Variants in RAPGEF2 observed in about 807,000 individuals in gnomAD.
RAPGEF2 encodes the protein Rap guanine nucleotide exchange factor 2.
Under a neutral mutation model 186.7 loss-of-function variants are expected in RAPGEF2, and 54 were observed. That is an observed-to-expected ratio of 0.29 (90% CI 0.23 to 0.36). RAPGEF2 has a LOEUF of 0.36. Ranked by LOEUF, RAPGEF2 falls within the 10% of genes least tolerant of loss-of-function variation. The probability of loss-of-function intolerance (pLI) is 1.00; values close to 1 mark genes in which losing one functional copy is unlikely to be tolerated. For missense variants in RAPGEF2, 1,532 were observed against 2,045.0 expected, an observed-to-expected ratio of 0.75 and a Z score of 4.84; for synonymous variants, 712 against 705.9, an observed-to-expected ratio of 1.01 and a Z score of -0.14.
chr4:159,107,360 C>A (rs1207081063), intron 1 of RAPGEF2, among the ~76,000 whole-genome samples: 1 of 152,058 alleles, frequency 6.6e-6, no homozygotes, highest in Non-Finnish European at 1.5e-5. Context: ...TTTTATCCCC[C>A]AAGGCTTATA....
chr4:159,230,641 G>A (rs912082372), intron 4 of RAPGEF2, among the ~76,000 whole-genome samples: 10 of 152,094 alleles, frequency 6.6e-5, no homozygotes, highest in East Asian at 1.9e-4. Flanking sequence ...AGATCTTTGC[G>A]GGGGTAACCC....
chr4:159,186,176 T>A (rs1364949102), intron 1 of RAPGEF2, among the ~76,000 whole-genome samples: 1 of 151,950 alleles, frequency 6.6e-6, no homozygotes, highest in Non-Finnish European at 1.5e-5. Flanking sequence ...AGAAAATATT[T>A]CTATATAAGA....
chr4:159,109,633 T>C (rs1560970585), intron 1 of RAPGEF2, among the ~76,000 whole-genome samples: 1 of 152,174 alleles, frequency 6.6e-6, no homozygotes, highest in African/African-American at 2.4e-5. Context: ...ACTAATCTAT[T>C]GTTATAAGTA....
chr4:159,194,406 A>G (rs536007130), intron 3 of RAPGEF2, among the ~76,000 whole-genome samples: 1 of 152,242 alleles, frequency 6.6e-6, no homozygotes, highest in South Asian at 2.1e-4. Flanking sequence ...TGTTATGGAA[A>G]ATTTCAGACA....
At chr4:159,334,956 A>G (rs1266517372) in intron 17 of RAPGEF2, among the ~76,000 whole-genome samples, 2 of 152,206 alleles carry the variant, frequency 1.3e-5, no homozygotes, top group East Asian at 3.8e-4. Context: ...TAATTAAAGG[A>G]AGTTTCACAA....
intron 7 of RAPGEF2, among the ~76,000 whole-genome samples, chr4:159,273,999 C>T (rs1758523066): frequency 1.3e-5 from 2 of 151,944 alleles, no homozygotes; most frequent in African/African-American, 4.8e-5. Context: ...GCCATGTTGG[C>T]CTGGCCGGTC....
chr4:159,142,529 A>G (rs889009709), intron 1 of RAPGEF2, among the ~76,000 whole-genome samples: 4 of 150,398 alleles, frequency 2.7e-5, no homozygotes, highest in African/African-American at 9.8e-5. Flanking sequence ...TTTTTTTTAT[A>G]TGAAATTTTT....
rs78503714 is a variant in RAPGEF2 at position 159,154,296 on chromosome 4, A to G, written c.70-32346A>G. ...AATGGCAAGAAAACTTACTAGGTCG[A>G]TCAGATGTAGAAAGGACAGTAATAG... On this transcript the variant is annotated intron_variant, in intron 1 of 29. Transcript: ENST00000691494. Among the ~76,000 whole-genome samples the G allele has an allele frequency of 5.6e-3, 853 of 152,310 alleles. 2 individuals are homozygous for G. The highest frequency in any genetic ancestry group is 0.027 in the Middle Eastern group (8 of 294).
intron 4 of RAPGEF2, among the ~76,000 whole-genome samples, chr4:159,233,554 T>A (rs910931297): frequency 1.3e-5 from 2 of 152,060 alleles, no homozygotes; most frequent in African/African-American, 4.8e-5. Context: ...TTCTCACTCA[T>A]AAGTGGGAGC....
At chr4:159,351,137 A>G in intron 26 of RAPGEF2, 2 of 1,535,576 alleles carry the variant, frequency 1.3e-6, no homozygotes, top group Non-Finnish European at 1.7e-6. Context: ...CTTGGAAGTG[A>G]GAACAGTAAC....
chr4:159,221,985 A>T (rs969632376), intron 4 of RAPGEF2, among the ~76,000 whole-genome samples: 1 of 152,240 alleles, frequency 6.6e-6, no homozygotes, highest in Non-Finnish European at 1.5e-5. Context: ...AAGTAAAGTG[A>T]AATATGTAAA....
In RAPGEF2 at chr4:159,323,441, T is replaced by G; in HGVS notation, c.991-18T>G. 6.4e-7 allele frequency: 1 copy of G among 1,573,560 alleles called. No homozygotes were observed. Among genetic ancestry groups the G allele is most frequent in the Non-Finnish European group, 8.6e-7 (1 of 1,159,492 alleles). On this transcript the variant is annotated intron_variant, in intron 10 of 29. Coordinates refer to ENST00000691494, the MANE Select transcript of RAPGEF2 (RefSeq NM_001394067.2). Reference sequence around the variant, plus strand: ...TCATGATGTTACTTTCTGCTTTGTCTTTATTTTTTTGGATTAGCTGGACTC... The same window carrying G: ...TCATGATGTTACTTTCTGCTTTGTCGTTATTTTTTTGGATTAGCTGGACTC...
intron 8 of RAPGEF2, among the ~76,000 whole-genome samples, chr4:159,305,973 C>T (rs560027992): frequency 5.3e-5 from 8 of 152,130 alleles, no homozygotes; most frequent in South Asian, 4.1e-4. Flanking sequence ...GCTGTAAATA[C>T]GTGACTTTAT....
At chr4:159,269,961 G>A (rs182903702) in intron 7 of RAPGEF2, among the ~76,000 whole-genome samples, 169 of 152,300 alleles carry the variant, frequency 1.1e-3, no homozygotes, top group African/African-American at 4.0e-3. Flanking sequence ...CTAAACTAGA[G>A]TCCCTGATCT....
At position 159,356,130 on chromosome 4, in the gene RAPGEF2, G is replaced by A. The variant is rs1731972019; in HGVS notation, c.4929G>A (p.Gln1643=). The A allele has an allele frequency of 6.2e-7, 1 of 1,613,872 alleles. No homozygotes were observed. The highest frequency in any genetic ancestry group is 1.3e-5 in the African/African-American group (1 of 74,920). ...NESDPRLAPY[Q]SQGFSTEEDE... is the part of the protein sequence containing the mutation. ...CTGACCCGCGCCTCGCCCCCTATCA[G>A]TCCCAAGGGTTTTCCACCGAGGAGG... The change falls in exon 29 of 30, where the codon CAG becomes CAA. Residue 1643 remains glutamine, a synonymous_variant. Transcript: ENST00000691494.
intron 1 of RAPGEF2, 74 bp downstream of exon 1, chr4:159,104,305 C>T (rs1335083577): frequency 2.6e-6 from 2 of 771,818 alleles, no homozygotes; most frequent in Non-Finnish European, 3.9e-6. Context: ...GTCCCCCCAC[C>T]TCCTTCCTGA....
At position 159,358,397 on chromosome 4, in the gene RAPGEF2, C is replaced by G; in HGVS notation, c.*258C>G. 1 of 418,440 alleles carries G rather than the reference C, an allele frequency of 2.4e-6. No homozygotes were observed. Among genetic ancestry groups the G allele is most frequent in the Non-Finnish European group, 4.2e-6 (1 of 237,820 alleles). 25.9% of individuals were successfully genotyped at this position (418,440 alleles called of 1,614,324 possible). On this transcript the variant is annotated 3_prime_UTR_variant, in exon 30 of 30. Coordinates refer to ENST00000691494, the MANE Select transcript of RAPGEF2 (RefSeq NM_001394067.2). ...CAGTGCAGCAATCTTCGAGCTCCCA[C>G]TGTTGCTGCCTGCCACATCACACAG...
intron 3 of RAPGEF2, among the ~76,000 whole-genome samples, chr4:159,201,408 A>G (rs1454383050): frequency 6.6e-6 from 1 of 152,226 alleles, no homozygotes; most frequent in Non-Finnish European, 1.5e-5. Context: ...AATAGTAGCT[A>G]TTATGGTTGA....
At chr4:159,133,535 C>T (rs568095457) in intron 1 of RAPGEF2, among the ~76,000 whole-genome samples, 2 of 152,040 alleles carry the variant, frequency 1.3e-5, no homozygotes, top group African/African-American at 2.4e-5. Context: ...CCTCAGCCTC[C>T]CGAGTAGCTG....
Sources: gnomAD v4.1 joint callset for allele counts (sites outside exome capture counted in the v4.1 genomes callset) on GRCh38, gnomAD v4.1.1 for gene constraint, MANE v1.5 for transcripts, NCBI Gene and HGNC (gene_info 2026-07-23, HGNC 2026-07-21) for gene names.